The following ZNF131 variants were observed in gnomAD, a reference collection of about 807,000 sequenced individuals.
The protein encoded by ZNF131 is zinc finger and BTB domain containing 35.
A neutral mutation model predicts 60.0 loss-of-function variants in ZNF131; 7 were observed. The observed-to-expected ratio is 0.12, with a 90% CI of 0.07 to 0.22. The LOEUF (loss-of-function observed/expected upper bound fraction) is 0.22, where lower values mean the gene tolerates loss of function less well. Among genes scored for constraint, ZNF131 ranks in the 10% least tolerant of loss-of-function variants. The probability of loss-of-function intolerance (pLI) is 1.00; values close to 1 mark genes in which losing one functional copy is unlikely to be tolerated. For synonymous variants in ZNF131, 257 were observed against 253.2 expected, an observed-to-expected ratio of 1.01 and a Z score of -0.14; for missense variants, 493 against 740.9, an observed-to-expected ratio of 0.67 and a Z score of 3.88.
At chr5:43,124,291 C>G (rs1386771696) in intron 3 of ZNF131, 2 of 152,104 alleles carry the variant, frequency 1.3e-5, no homozygotes, top group African/African-American at 4.8e-5. Flanking sequence ...TCTAAAACAG[C>G]AGGAAATAAA....
At chr5:43,130,087 G>C (rs954740466) in intron 3 of ZNF131, among the ~76,000 whole-genome samples, 3 of 151,290 alleles carry the variant, frequency 2.0e-5, no homozygotes, top group Non-Finnish European at 4.4e-5. Flanking sequence ...GCAACACGGT[G>C]AAACCGTCTC....
Position 43,174,321 on chromosome 5 carries a change from C to T in ZNF131, c.1186-126C>T, listed in dbSNP as rs533126441. The T allele has an allele frequency of 2.8e-5, 24 of 857,358 alleles. No homozygotes were observed. The South Asian group carries it at 5.0e-4, about 18-fold the overall frequency. The allele number at this position is 857,358 out of a possible 1,614,324, so 53.1% of individuals were successfully genotyped here. A position where few individuals can be genotyped will look rare whatever the true frequency, so the allele number is the denominator to read the frequency against. ...AAATAGCTTGGACGAGATTCTATTG[C>T]AGGTACCATATTTATAACATTTACA... On this transcript the variant is annotated intron_variant, in intron 6 of 6. Transcript: ENST00000682664.
At chr5:43,151,019 G>A (rs1748237695) in intron 4 of ZNF131, among the ~76,000 whole-genome samples, 1 of 152,098 alleles carries the variant, frequency 6.6e-6, no homozygotes. Context: ...TTTCCACTTA[G>A]CCCTGGGCAT....
At chr5:43,135,983 T>C (rs961673646) in intron 3 of ZNF131, among the ~76,000 whole-genome samples, 1 of 151,952 alleles carries the variant, frequency 6.6e-6, no homozygotes, top group African/African-American at 2.4e-5. Context: ...GGTATGGTGG[T>C]GCGTGCCTGT....
chr5:43,153,882 G>A (rs1251894939), intron 4 of ZNF131, among the ~76,000 whole-genome samples: 2 of 152,242 alleles, frequency 1.3e-5, no homozygotes, highest in Middle Eastern at 3.4e-3. Context: ...GAAAGCTGTC[G>A]CCATACTCAA....
chr5:43,151,936 A>G (rs901608226), intron 4 of ZNF131, among the ~76,000 whole-genome samples: 6 of 152,170 alleles, frequency 3.9e-5, no homozygotes, highest in Admixed American at 2.0e-4. Flanking sequence ...TTCAATTAGA[A>G]TGATTCAGTC....
At chr5:43,138,959 A>G (rs1441688016) in intron 3 of ZNF131, among the ~76,000 whole-genome samples, 6 of 152,352 alleles carry the variant, frequency 3.9e-5, no homozygotes, top group African/African-American at 1.2e-4. Context: ...GCCTCAGGAA[A>G]TTTAAAGTAG....
intron 3 of ZNF131, among the ~76,000 whole-genome samples, chr5:43,125,438 C>G (rs1181411167): frequency 2.0e-5 from 3 of 151,154 alleles, no homozygotes; most frequent in Non-Finnish European, 4.4e-5. Flanking sequence ...GGATTACAGG[C>G]GTGAGACCAC....
intron 4 of ZNF131, among the ~76,000 whole-genome samples, chr5:43,150,158 A>G (rs1172093837): frequency 1.3e-5 from 2 of 152,202 alleles, no homozygotes; most frequent in African/African-American, 4.8e-5. Context: ...TCTGAGCTTT[A>G]GGAAACCCAA....
At chr5:43,165,866 A>C (rs1276600346) in intron 5 of ZNF131, among the ~76,000 whole-genome samples, 1 of 152,252 alleles carries the variant, frequency 6.6e-6, no homozygotes, top group Non-Finnish European at 1.5e-5. Context: ...GTCTACATTG[A>C]ATATCTGTTG....
intron 4 of ZNF131, among the ~76,000 whole-genome samples, chr5:43,149,423 C>G (rs1372076581): frequency 6.6e-6 from 1 of 152,164 alleles, no homozygotes; most frequent in East Asian, 1.9e-4. Flanking sequence ...GGATGTATCA[C>G]CATTTGTTGA....
At position 43,137,739 on chromosome 5, in the gene ZNF131, C is replaced by G. The variant is rs550185245; in HGVS notation, c.227-1426C>G. On this transcript the variant is annotated intron_variant, in intron 3 of 6. Coordinates refer to ENST00000682664, the MANE Select transcript of ZNF131 (RefSeq NM_001330707.2). Reference sequence around the variant, plus strand: ...CAATCCCACTTGCTGAACATTTATCCAAAAGAACTGAAATCAGGATCTTGA... The same window carrying G: ...CAATCCCACTTGCTGAACATTTATCGAAAAGAACTGAAATCAGGATCTTGA... 5.3e-5 allele frequency among the ~76,000 whole-genome samples: 8 copies of G among 152,222 alleles called. 1 individual carries two copies. In the East Asian group the frequency reaches 1.5e-3, roughly 29 times the overall value.
intron 4 of ZNF131, among the ~76,000 whole-genome samples, chr5:43,142,025 C>G (rs1028137603): frequency 6.6e-6 from 1 of 151,728 alleles, no homozygotes; most frequent in African/African-American, 2.4e-5. Context: ...CTTTGTATGT[C>G]TCATCATTTT....
chr5:43,166,641 G>A (rs1219070939), intron 5 of ZNF131, among the ~76,000 whole-genome samples: 2 of 147,698 alleles, frequency 1.4e-5, no homozygotes, highest in African/African-American at 2.5e-5. Flanking sequence ...TTACAGGCAC[G>A]AGCCACCATG....
rs1749718063 is a variant in ZNF131 at position 43,161,724 on chromosome 5, C to T, written c.847C>T (p.His283Tyr). Residue 283 changes from histidine to tyrosine, a missense_variant, in exon 5 of 7, where the codon CAC becomes TAC. Around this residue, in one of 7 missense-constraint regions of ZNF131, gnomAD observed 26 missense variants for 63.3 expected, o/e 0.41. Transcript: ENST00000682664. ...FYHFKEHMKS[H>Y]STESFKCEIC... The stretch of plus-strand genomic sequence containing the variant: ...CCATTTTAAGGAGCACATGAAATCA[C>T]ACTCCACTGAGAGTTTCAAGTGTGA... The T allele has an allele frequency of 6.2e-7, 1 of 1,614,098 alleles. No homozygotes were observed. The highest frequency in any genetic ancestry group is 8.5e-7 in the Non-Finnish European group (1 of 1,180,032).
chr5:43,159,340 A>G (rs1749348594), intron 4 of ZNF131, among the ~76,000 whole-genome samples: 2 of 152,170 alleles, frequency 1.3e-5, no homozygotes, highest in South Asian at 4.1e-4. Flanking sequence ...ATTGTCTCCC[A>G]ACAGGTGTCG....
intron 3 of ZNF131, among the ~76,000 whole-genome samples, chr5:43,138,683 A>G (rs1337207834): frequency 6.6e-6 from 1 of 152,166 alleles, no homozygotes; most frequent in Non-Finnish European, 1.5e-5. Context: ...CAGCTATTAG[A>G]AAGTGCAGGG....
At chr5:43,155,363 G>T (rs10058374) in intron 4 of ZNF131, among the ~76,000 whole-genome samples, 1 of 151,888 alleles carries the variant, frequency 6.6e-6, no homozygotes, top group Non-Finnish European at 1.5e-5. Context: ...CAACAAGAGC[G>T]CAACAGCAAA....
chr5:43,122,313 T>C (rs950094145), intron 2 of ZNF131, 136 bp downstream of exon 2: 7 of 1,102,284 alleles, frequency 6.4e-6, no homozygotes, highest in South Asian at 5.0e-5. Context: ...GCAGAGTGTG[T>C]GCACTGGGAC....
Sources: allele counts gnomAD v4.1 joint callset (sites outside exome capture counted in the v4.1 genomes callset), GRCh38; gene constraint gnomAD v4.1.1; regional missense constraint gnomAD v4.1.1; transcripts MANE v1.5; gene names NCBI Gene and HGNC (gene_info 2026-07-23, HGNC 2026-07-21).